DIP2B: variants seen among roughly 807,000 people sequenced by gnomAD.
DIP2B encodes the protein disco-interacting protein 2 homolog B.
DIP2B carries 76 observed loss-of-function variants against 198.0 expected under a neutral mutation model. That is an observed-to-expected ratio of 0.38 (90% confidence interval 0.32 to 0.46). The LOEUF (loss-of-function observed/expected upper bound fraction) is 0.46, where lower values mean the gene tolerates loss of function less well. Ranked by LOEUF, DIP2B falls within the 20% of genes least tolerant of loss-of-function variation. The pLI is 0.99. For synonymous variants in DIP2B, 701 were observed against 739.1 expected, an observed-to-expected ratio of 0.95 and a Z score of 0.84; for missense variants, 1,559 against 1,978.4, an observed-to-expected ratio of 0.79 and a Z score of 4.02.
At chr12:50,742,514 A>G (rs1309974854) in intron 37 of DIP2B, among the ~76,000 whole-genome samples, 1 of 150,658 alleles carries the variant, frequency 6.6e-6, no homozygotes, top group Non-Finnish European at 1.5e-5. Context: ...TTTAGTGAAT[A>G]TGTCCTTCTT....
intron 26 of DIP2B, among the ~76,000 whole-genome samples, chr12:50,721,600 T>G (rs1939837005): frequency 6.6e-6 from 1 of 152,186 alleles, no homozygotes; most frequent in Non-Finnish European, 1.5e-5. Flanking sequence ...TGGGACCATG[T>G]CTGTTTTTGT....
At chr12:50,601,507 C>G (rs1395225507) in intron 1 of DIP2B, among the ~76,000 whole-genome samples, 1 of 151,766 alleles carries the variant, frequency 6.6e-6, no homozygotes, top group Non-Finnish European at 1.5e-5. Flanking sequence ...TAATTTTTTT[C>G]TTTTGTATTT....
chr12:50,542,430 G>T (rs1958335120), intron 1 of DIP2B, among the ~76,000 whole-genome samples: 1 of 152,032 alleles, frequency 6.6e-6, no homozygotes. Context: ...AAAAGGAAAA[G>T]ATTTGATATT....
chr12:50,572,679 C>A (rs1292119492), intron 1 of DIP2B, among the ~76,000 whole-genome samples: 3 of 152,142 alleles, frequency 2.0e-5, no homozygotes, highest in Non-Finnish European at 4.4e-5. Context: ...AATTAGAGCT[C>A]TAATTTATCA....
chr12:50,739,566 A>C lies in DIP2B; in HGVS notation c.4334A>C (p.Glu1445Ala), dbSNP rs1940202646. Residue 1445 changes from glutamate to alanine, a missense_variant, in exon 36 of 38, where the codon GAG (glutamate) becomes GCG (alanine). Glu to Ala is a moderately radical substitution (Grantham distance 107). Transcript: ENST00000301180. ...TACCTTGGTTTTGTCCGCCGGACCG[A>C]GCTCACAGCGGCCACTGGAGGTACT... ...TGYLGFVRRTELTAATGERHD... is the reference protein window; with the variant it reads ...TGYLGFVRRTALTAATGERHD... 6.2e-7 allele frequency: 1 copy of C among 1,613,822 alleles called. No homozygotes were observed. The highest frequency in any genetic ancestry group is 1.3e-5 in the African/African-American group (1 of 74,912).
intron 2 of DIP2B, among the ~76,000 whole-genome samples, chr12:50,637,290 C>CT (rs1419444058): frequency 6.6e-6 from 1 of 152,210 alleles, no homozygotes. Flanking sequence ...CCTTCAAAGG[C>CT]TGCCCACTCG....
At chr12:50,563,093 C>G (rs1958533660) in intron 1 of DIP2B, among the ~76,000 whole-genome samples, 1 of 152,174 alleles carries the variant, frequency 6.6e-6, no homozygotes, top group South Asian at 2.1e-4. Context: ...AAGACCTGTT[C>G]ATCAGTTTTC....
At chr12:50,706,255 G>A (rs1939511286) in intron 20 of DIP2B, among the ~76,000 whole-genome samples, 1 of 152,140 alleles carries the variant, frequency 6.6e-6, no homozygotes, top group African/African-American at 2.4e-5. Flanking sequence ...ATGCTTGGGT[G>A]GAATCCTAGT....
chr12:50,678,620 C>A, intron 7 of DIP2B, 59 bp from the exon 8 acceptor site: 1 of 1,538,742 alleles, frequency 6.5e-7, no homozygotes. Flanking sequence ...GATTAGAGAC[C>A]TAAGTTGTGT....
intron 1 of DIP2B, among the ~76,000 whole-genome samples, chr12:50,577,072 C>G (rs1448806818): frequency 6.6e-6 from 1 of 151,890 alleles, no homozygotes; most frequent in Non-Finnish European, 1.5e-5. Context: ...TCTCGAACTC[C>G]TGACTACAGG....
intron 1 of DIP2B, among the ~76,000 whole-genome samples, chr12:50,612,995 C>G (rs1261219173): frequency 6.6e-6 from 1 of 152,234 alleles, no homozygotes. Flanking sequence ...TCCCTTGACT[C>G]TCAGCACTGC....
intron 1 of DIP2B, among the ~76,000 whole-genome samples, chr12:50,610,627 T>G (rs1959023395): frequency 6.6e-6 from 1 of 151,596 alleles, no homozygotes; most frequent in African/African-American, 2.4e-5. Context: ...TACCTCAGCC[T>G]CCCCAGTAGC....
Position 50,695,860 on chromosome 12 carries a change from T to C in DIP2B, c.1826T>C (p.Leu609Ser). 6.2e-7 allele frequency: 1 copy of C among 1,614,118 alleles called. No homozygotes were observed. The highest frequency in any genetic ancestry group is 8.5e-7 in the Non-Finnish European group (1 of 1,179,930). Reference sequence around the variant, plus strand: ...TTTGAATTTATAGCCAAGGTAGCTTTAGTAAAATGTCGGGACTTGCACTGG... The same window carrying C: ...TTTGAATTTATAGCCAAGGTAGCTTCAGTAAAATGTCGGGACTTGCACTGG... ...RVHAHKAKVA[L>S]VKCRDLHWAM... Residue 609 changes from leucine to serine, a missense_variant, in exon 16 of 38, where the codon TTA becomes TCA. By Grantham distance (145) the Leu-to-Ser change is moderately radical. Transcript: ENST00000301180.
chr12:50,583,878 T>C (rs1958746776), intron 1 of DIP2B, among the ~76,000 whole-genome samples: 1 of 152,152 alleles, frequency 6.6e-6, no homozygotes, highest in Non-Finnish European at 1.5e-5. Context: ...TTTCTTCTCT[T>C]CCAGTTTCTT....
chr12:50,719,255 T>C (rs1939789711), intron 25 of DIP2B, among the ~76,000 whole-genome samples: 1 of 152,218 alleles, frequency 6.6e-6, no homozygotes, highest in African/African-American at 2.4e-5. Context: ...TTTCTTATGG[T>C]ACAATCACGT....
intron 3 of DIP2B, among the ~76,000 whole-genome samples, chr12:50,650,269 G>A (rs929794033): frequency 4.0e-4 from 61 of 152,038 alleles, no homozygotes; most frequent in African/African-American, 1.4e-3. Context: ...CAGCCTATAG[G>A]AAGGCTCAGA....
chr12:50,608,625 CAA>C (rs546937627), intron 1 of DIP2B, among the ~76,000 whole-genome samples: 27 of 71,844 alleles, frequency 3.8e-4, no homozygotes, highest in Admixed American at 1.2e-3. Context: ...GACTCAGTCT[CAA>C]AAAAAAAAAA....
At chr12:50,668,552 A>T (rs1938795778) in intron 4 of DIP2B, among the ~76,000 whole-genome samples, 1 of 152,220 alleles carries the variant, frequency 6.6e-6, no homozygotes, top group Admixed American at 6.5e-5. Flanking sequence ...ATAGAAACAT[A>T]ATGAAACCCA....
intron 2 of DIP2B, among the ~76,000 whole-genome samples, chr12:50,631,521 G>A (rs892118835): frequency 2.0e-5 from 3 of 151,960 alleles, no homozygotes; most frequent in African/African-American, 7.2e-5. Context: ...CACCGTGCCC[G>A]GCCCTGATTC....
Sources: gnomAD v4.1 joint callset for allele counts (sites outside exome capture counted in the v4.1 genomes callset) on GRCh38, gnomAD v4.1.1 for gene constraint, MANE v1.5 for transcripts, NCBI Gene and HGNC (gene_info 2026-07-23, HGNC 2026-07-21) for gene names.